The following MANSC4 variants were observed in gnomAD, a reference collection of about 807,000 sequenced individuals.
MANSC4 encodes MANSC domain-containing protein 4.
Under a neutral mutation model 11.4 loss-of-function variants are expected in MANSC4, and 11 were observed. The observed-to-expected ratio is 0.97, with a 90% confidence interval of 0.61 to 1.60. The LOEUF (loss-of-function observed/expected upper bound fraction) is 1.60. Among genes scored for constraint, MANSC4 ranks in the 40% most tolerant of loss-of-function variants. MANSC4 has a pLI of 0.00. For synonymous variants in MANSC4, 123 were observed against 147.1 expected (o/e 0.84, Z 1.19); for missense variants, 354 against 404.6 (o/e 0.88, Z 1.07).
At chr12:27,778,614 C>A (rs1168848350) in intron 1 of MANSC4, among the ~76,000 whole-genome samples, 21 of 151,210 alleles carry the variant, frequency 1.4e-4, no homozygotes, top group Admixed American at 1.3e-4. Context: ...GACTGTTTAT[C>A]ATAGGTGGTT....
At chr12:27,768,124 C>T (rs1018694068) in intron 2 of MANSC4, among the ~76,000 whole-genome samples, 10 of 152,048 alleles carry the variant, frequency 6.6e-5, no homozygotes, top group African/African-American at 1.7e-4. Context: ...TCTGGCCAGG[C>T]GCAGTGGCTC....
rs150532842 is a variant in MANSC4 at position 27,766,816 on chromosome 12, C to T, written c.230-17G>A. The T allele has an allele frequency of 3.0e-5, 47 of 1,549,214 alleles. No homozygotes were observed. In the East Asian group the frequency reaches 4.4e-4, roughly 15 times the overall value. On this transcript the variant is annotated splice_polypyrimidine_tract_variant and intron_variant, in intron 2 of 3. Coordinates refer to ENST00000381273, the MANE Select transcript of MANSC4 (RefSeq NM_001146221.5). ...TACAGGAAACTGAAAGGGAAACAAG[C>T]GAAGTACATCTGCAGATGGTCTCAA...
At position 27,771,172 on chromosome 12, in the gene MANSC4, GATC is replaced by G; in HGVS notation, c.102_104del (p.Trp34_Ile35delinsCys). 6.4e-7 allele frequency: 1 copy of G among 1,552,038 alleles called. No homozygotes were observed. The highest frequency in any genetic ancestry group is 8.7e-7 in the Non-Finnish European group (1 of 1,147,060). On this transcript the variant is annotated inframe_deletion, in exon 2 of 4. Coordinates refer to ENST00000381273, the MANE Select transcript of MANSC4 (RefSeq NM_001146221.5). ...TGATTAGAAGACCTGGGAAGCGACG[GATC>G]CAGCAGTCTCTGTAAAAAATTGTGG... is the stretch of plus-strand genomic sequence containing the variant.
Position 27,764,182 on chromosome 12 carries a change from C to A in MANSC4, c.365-786G>T, listed in dbSNP as rs16932328. On this transcript the variant is annotated intron_variant, in intron 3 of 3. Transcript: ENST00000381273. ...TATTTTCTCCCTTGTATACTAACTC[C>A]TTTCCCTCTAACTTCAGACATGAAC... Among the ~76,000 whole-genome samples, 400 of 152,292 alleles carry A rather than the reference C, an allele frequency of 2.6e-3. 2 individuals carry two copies. Among genetic ancestry groups the A allele is most frequent in the African/African-American group, 9.2e-3 (384 of 41,554 alleles).
rs943004499 is a variant in MANSC4, at chr12:27,762,551, A to G, written c.*187T>C. On this transcript the variant is annotated 3_prime_UTR_variant, in exon 4 of 4. Transcript: ENST00000381273. ...CATTTTATAGAGACAGAGTCTCACT[A>G]TGTTGCCCAGGCTGGTCTCGAACTC... Among the ~76,000 whole-genome samples the G allele has an allele frequency of 6.6e-6, 1 of 151,548 alleles. No individual in the cohort carries two copies. The highest frequency in any genetic ancestry group is 6.6e-5 in the Admixed American group (1 of 15,186).
Position 27,780,210 on chromosome 12 carries a change from C to A in MANSC4, c.-307G>T. 1.1e-6 allele frequency: 1 copy of A among 944,676 alleles called. No homozygotes were observed. The highest frequency in any genetic ancestry group is 1.4e-6 in the Non-Finnish European group (1 of 718,262). The allele number at this position is 944,676 out of a possible 1,614,324, so 58.5% of individuals were successfully genotyped here. A position where few individuals can be genotyped will look rare whatever the true frequency, so the allele number is the denominator to read the frequency against. ...CCGGGCGAGCGCGGGCGGCCCTCAC[C>A]TCGCCGCTCCTCCCGGGCCGCCATC... On this transcript the variant is annotated splice_region_variant and 5_prime_UTR_variant, in exon 1 of 4. It introduces an in-frame stop codon into an upstream open reading frame of the 5' UTR. Transcript: ENST00000381273. The surrounding 1 kb of genome is among the most constrained non-coding windows in gnomAD (Gnocchi z 8.8).
intron 1 of MANSC4, among the ~76,000 whole-genome samples, chr12:27,778,942 C>T (rs2062131373): frequency 6.6e-6 from 1 of 152,238 alleles, no homozygotes. Flanking sequence ...GATCTCGGCT[C>T]ACTGCAACCT....
rs2062098830 is a variant in MANSC4 at position 27,771,153 on chromosome 12, G to C, written c.124C>G (p.Leu42Val). The C allele has an allele frequency of 6.4e-7, 1 of 1,551,974 alleles. No homozygotes were observed. Among genetic ancestry groups the C allele is most frequent in the Non-Finnish European group, 8.7e-7 (1 of 1,147,058 alleles). The change falls in exon 2 of 4, where the codon CTA (leucine) becomes GTA (valine). Residue 42 changes from leucine (L) to valine (V), a missense_variant. Coordinates refer to ENST00000381273, the MANE Select transcript of MANSC4 (RefSeq NM_001146221.5). ...DCWIRRFPGL[L>V]INLEESQKLG... is the part of the protein sequence containing the mutation. ...TTCTGAGACTCCTCCAGATTGATTA[G>C]AAGACCTGGGAAGCGACGGATCCAG... is the stretch of plus-strand genomic sequence containing the variant.
In MANSC4 at chr12:27,764,422, ATTC is replaced by A. The variant is rs1565475906; in HGVS notation, c.365-1029_365-1027del. Among the ~76,000 whole-genome samples, 4 of 152,102 alleles carry A rather than the reference ATTC, an allele frequency of 2.6e-5. No homozygotes were observed. In the South Asian group the frequency reaches 8.3e-4, roughly 32 times the overall value. ...TTGATGCTGCCGGCCACCTTCTTGA[ATTC>A]TTCTTCCATGACTTCCCGGACCCCG... On this transcript the variant is annotated intron_variant, in intron 3 of 3. Coordinates refer to ENST00000381273, the MANE Select transcript of MANSC4 (RefSeq NM_001146221.5).
chr12:27,768,402 C>CAAA (rs201953091), intron 2 of MANSC4, among the ~76,000 whole-genome samples: 19 of 109,680 alleles, frequency 1.7e-4, no homozygotes, highest in African/African-American at 5.6e-4. Context: ...GACTCTGTCT[C>CAAA]AAAAAAAAAA....
chr12:27,765,345 C>G (rs1388945279), intron 3 of MANSC4, among the ~76,000 whole-genome samples: 2 of 152,126 alleles, frequency 1.3e-5, no homozygotes, highest in Non-Finnish European at 2.9e-5. Context: ...ATAGATATCA[C>G]TTCACATGTT....
In MANSC4 at chr12:27,777,921, G is replaced by GA. The variant is rs34487465; in HGVS notation, c.-307+2288dup. On this transcript the variant is annotated intron_variant, in intron 1 of 3. Coordinates refer to ENST00000381273, the MANE Select transcript of MANSC4 (RefSeq NM_001146221.5). ...AAGGTAGCAAGACCCTATCTCTATGGAAAAAAAAAATGCATTTTTTTTTGC... is the reference window on the plus strand; with the variant it reads ...AAGGTAGCAAGACCCTATCTCTATGGAAAAAAAAAAATGCATTTTTTTTTGC... 2.1e-3 allele frequency among the ~76,000 whole-genome samples: 305 copies of GA among 148,090 alleles called. 2 individuals are homozygous for GA. Among genetic ancestry groups the GA allele is most frequent in the Non-Finnish European group, 2.7e-3 (177 of 66,756 alleles).
Position 27,762,701 on chromosome 12 carries a change from A to G in MANSC4, c.*37T>C. ...GTTTTCTTACACAAAACTAAAAATG[A>G]TATCCTTGAAAGCATATAATCTTGC... On this transcript the variant is annotated 3_prime_UTR_variant, in exon 4 of 4. Coordinates refer to ENST00000381273, the MANE Select transcript of MANSC4 (RefSeq NM_001146221.5). 6.9e-7 allele frequency: 1 copy of G among 1,440,034 alleles called. No homozygotes were observed. The highest frequency in any genetic ancestry group is 2.0e-4 in the Middle Eastern group (1 of 4,958). 89.2% of individuals were successfully genotyped at this position (1,440,034 alleles called of 1,614,324 possible). A position where few individuals can be genotyped will look rare whatever the true frequency, so the allele number is the denominator to read the frequency against.
At chr12:27,767,190 A>G (rs2062075869) in intron 2 of MANSC4, among the ~76,000 whole-genome samples, 1 of 152,088 alleles carries the variant, frequency 6.6e-6, no homozygotes, top group African/African-American at 2.4e-5. Context: ...CATGTTGCCC[A>G]GGCTGGTCTC....
At chr12:27,765,428 C>T (rs1453796714) in intron 3 of MANSC4, among the ~76,000 whole-genome samples, 5 of 152,074 alleles carry the variant, frequency 3.3e-5, no homozygotes, top group Non-Finnish European at 5.9e-5. Flanking sequence ...ATGGCCCTTA[C>T]GATACCTGTC....
intron 2 of MANSC4, among the ~76,000 whole-genome samples, chr12:27,768,417 A>AAAAAG (rs1555109478): frequency 1.0e-5 from 1 of 95,538 alleles, no homozygotes; most frequent in African/African-American, 3.1e-5. Context: ...AAAAAAAAAA[A>AAAAAG]AAAAAGAAAA....
intron 1 of MANSC4, among the ~76,000 whole-genome samples, chr12:27,778,902 T>G (rs1398823972): frequency 6.6e-6 from 1 of 152,182 alleles, no homozygotes. Context: ...GGCGTCTCGC[T>G]CTGTCGCCCA....
intron 3 of MANSC4, among the ~76,000 whole-genome samples, chr12:27,765,826 T>C (rs765102578): frequency 6.6e-6 from 1 of 152,200 alleles, no homozygotes; most frequent in Non-Finnish European, 1.5e-5. Context: ...CAAAAATCTG[T>C]TCTTTTATGG....
intron 3 of MANSC4, among the ~76,000 whole-genome samples, chr12:27,764,678 C>A (rs185495509): frequency 3.2e-4 from 49 of 152,238 alleles, no homozygotes; most frequent in Admixed American, 1.1e-3. Context: ...ATGTTTTCCC[C>A]TCTTTCTTGA....
Sources: allele counts gnomAD v4.1 joint callset (sites outside exome capture counted in the v4.1 genomes callset), GRCh38; gene constraint gnomAD v4.1.1; non-coding constraint Gnocchi (gnomAD v3.1); transcripts MANE v1.5; gene names NCBI Gene and HGNC (gene_info 2026-07-23, HGNC 2026-07-21).